Variants in HDAC9 observed in about 807,000 individuals in gnomAD.
The protein encoded by HDAC9 is histone deacetylase 9.
HDAC9 carries 41 observed loss-of-function variants against 139.4 expected under a neutral mutation model. The ratio of observed to expected loss-of-function variants is 0.29; its 90% CI spans 0.23 to 0.38. The LOEUF (loss-of-function observed/expected upper bound fraction) is 0.38. HDAC9 is among the 10% of genes least tolerant of loss of function. The probability of loss-of-function intolerance (pLI) is 1.00; values close to 1 mark genes in which losing one functional copy is unlikely to be tolerated. For missense variants in HDAC9, 1,147 were observed against 1,297.0 expected (o/e 0.88, Z 1.78); for synonymous variants, 517 against 476.2 (o/e 1.09, Z -1.12).
intron 1 of HDAC9, among the ~76,000 whole-genome samples, chr7:18,464,071 T>G (rs947675689): frequency 6.6e-6 from 1 of 151,408 alleles, no homozygotes; most frequent in African/African-American, 2.4e-5. Flanking sequence ...CATGTCTGTT[T>G]GTCTATTTGA....
chr7:18,799,466 A>G (rs1221493585), intron 17 of HDAC9, among the ~76,000 whole-genome samples: 2 of 152,246 alleles, frequency 1.3e-5, no homozygotes, highest in Non-Finnish European at 2.9e-5. Context: ...TATCAGACTT[A>G]CTAGACAAAA....
chr7:18,158,504 A>T lies in HDAC9; in HGVS notation c.-96-3725A>T, dbSNP rs565119292. ...GTCTGTAATTCCTTGCAATGCCGCG[A>T]AGAAAGCACTGGGCTAAGAGTTACA... On this transcript the variant is annotated intron_variant, in intron 1 of 12. Coordinates refer to the HDAC9 transcript ENST00000417496. Among the ~76,000 whole-genome samples, 14 of 152,318 alleles carry T rather than the reference A, an allele frequency of 9.2e-5. No individual in the cohort carries two copies. In the South Asian group the frequency reaches 2.9e-3, roughly 32 times the overall value.
At chr7:18,267,517 T>G (rs562274641) in intron 2 of HDAC9, among the ~76,000 whole-genome samples, 1 of 152,256 alleles carries the variant, frequency 6.6e-6, no homozygotes, top group Admixed American at 6.5e-5. Context: ...TTTTATAGAA[T>G]TCTACCTATA....
At chr7:18,132,312 A>T (rs1247535064) in intron 1 of HDAC9, among the ~76,000 whole-genome samples, 2 of 152,204 alleles carry the variant, frequency 1.3e-5, no homozygotes, top group African/African-American at 4.8e-5. Flanking sequence ...CTCTCATAAG[A>T]TTGTAATAAT....
intron 11 of HDAC9, among the ~76,000 whole-genome samples, chr7:18,660,885 G>A (rs753650920): frequency 4.6e-5 from 7 of 152,122 alleles, no homozygotes; most frequent in Non-Finnish European, 8.8e-5. Flanking sequence ...CCAGGTTGTC[G>A]AAAGTCTATG....
rs185592311 is a variant in HDAC9 at position 18,920,964 on chromosome 7, C to G, written c.2804-14845C>G. Among the ~76,000 whole-genome samples the G allele has an allele frequency of 1.8e-3, 279 of 151,946 alleles. 3 individuals are homozygous for G. The highest frequency in any genetic ancestry group is 5.9e-3 in the African/African-American group (244 of 41,488). On this transcript the variant is annotated intron_variant, in intron 22 of 25. Transcript: ENST00000686413. ...ACTATCTGATCTTTGACAAACCTGA[C>G]AAAAACAAGCAATGGGGAAAGGATT...
intron 13 of HDAC9, among the ~76,000 whole-genome samples, chr7:18,732,974 C>T (rs1309709395): frequency 2.2e-5 from 3 of 137,926 alleles, no homozygotes; most frequent in African/African-American, 8.9e-5. Context: ...TGTGTATATA[C>T]ACATGTGTAT....
At chr7:18,853,130 G>C (rs1797426280) in intron 21 of HDAC9, among the ~76,000 whole-genome samples, 2 of 152,158 alleles carry the variant, frequency 1.3e-5, no homozygotes, top group Non-Finnish European at 2.9e-5. Context: ...GGGTAGAGTT[G>C]CTTTAATGTG....
At chr7:18,640,932 A>G (rs1785403857) in intron 8 of HDAC9, among the ~76,000 whole-genome samples, 1 of 152,102 alleles carries the variant, frequency 6.6e-6, no homozygotes, top group African/African-American at 2.4e-5. Flanking sequence ...AATTCCCAGC[A>G]AAGCCATCAC....
intron 1 of HDAC9, among the ~76,000 whole-genome samples, chr7:18,161,889 C>T (rs1396766075): frequency 6.6e-6 from 1 of 152,024 alleles, no homozygotes; most frequent in Admixed American, 6.6e-5. Flanking sequence ...TCCAAAAAAG[C>T]TTTTTTATTT....
chr7:18,394,366 C>A (rs973450200), intron 1 of HDAC9, among the ~76,000 whole-genome samples: 2 of 152,006 alleles, frequency 1.3e-5, no homozygotes, highest in African/African-American at 4.8e-5. Flanking sequence ...CGTCTAGAAT[C>A]CTTAGAGATA....
intron 13 of HDAC9, among the ~76,000 whole-genome samples, chr7:18,740,617 A>G (rs955508884): frequency 6.6e-6 from 1 of 152,258 alleles, no homozygotes; most frequent in Admixed American, 6.5e-5. Flanking sequence ...CCACAGTCCA[A>G]TTAGGCCAAT....
chr7:18,178,533 A>G (rs2128139018), intron 2 of HDAC9, among the ~76,000 whole-genome samples: 1 of 152,318 alleles, frequency 6.6e-6, no homozygotes, highest in Admixed American at 6.5e-5. Context: ...GCACAGCGGT[A>G]GAAGCAGACC....
At chr7:18,851,940 G>A (rs757071765) in intron 21 of HDAC9, among the ~76,000 whole-genome samples, 8 of 152,126 alleles carry the variant, frequency 5.3e-5, no homozygotes, top group East Asian at 3.9e-4. Context: ...TGCCTTCTTC[G>A]CTCCTTGCAG....
chr7:18,910,552 G>T (rs1392856749), intron 22 of HDAC9, among the ~76,000 whole-genome samples: 1 of 151,834 alleles, frequency 6.6e-6, no homozygotes, highest in African/African-American at 2.4e-5. Flanking sequence ...TTGCCTAATT[G>T]CTCTGACTCG....
intron 23 of HDAC9, among the ~76,000 whole-genome samples, chr7:18,952,014 C>T (rs1380432545): frequency 6.6e-6 from 1 of 151,876 alleles, no homozygotes; most frequent in Non-Finnish European, 1.5e-5. Flanking sequence ...AAAGAACCTA[C>T]ATTGAGAAAT....
chr7:18,227,656 G>T (rs1208973200), intron 2 of HDAC9, among the ~76,000 whole-genome samples: 2 of 152,154 alleles, frequency 1.3e-5, no homozygotes, highest in Non-Finnish European at 2.9e-5. Context: ...AGGTAATCTT[G>T]TGCTGCTTAG....
intron 13 of HDAC9, among the ~76,000 whole-genome samples, chr7:18,734,065 T>G (rs544501429): frequency 5.6e-4 from 86 of 152,364 alleles, no homozygotes; most frequent in Admixed American, 3.3e-3. Flanking sequence ...TATTACATTT[T>G]ACTTTAAAAA....
In HDAC9 at chr7:18,612,997, A is replaced by G. The variant is rs187275218; in HGVS notation, c.665-16353A>G. 1.3e-3 allele frequency among the ~76,000 whole-genome samples: 198 copies of G among 150,894 alleles called. 4 individuals carry two copies. The Middle Eastern group carries it at 0.024, about 19-fold the overall frequency. ...GTTGGAAGAAATTTTATTAAAGTTTATAGTCTAAGAAGTTGTACATGTTTA... is the reference window on the plus strand; with the variant it reads ...GTTGGAAGAAATTTTATTAAAGTTTGTAGTCTAAGAAGTTGTACATGTTTA... On this transcript the variant is annotated intron_variant, in intron 6 of 25. Transcript: ENST00000686413.
Sources: gnomAD v4.1 joint callset for allele counts (sites outside exome capture counted in the v4.1 genomes callset) on GRCh38, gnomAD v4.1.1 for gene constraint, MANE v1.5 for transcripts, NCBI Gene and HGNC (gene_info 2026-07-23, HGNC 2026-07-21) for gene names.